COL23A1: variants seen among roughly 807,000 people sequenced by gnomAD.
COL23A1 encodes collagen type XXIII alpha 1 chain.
A neutral mutation model predicts 99.3 loss-of-function variants in COL23A1; 97 were observed. The ratio of observed to expected loss-of-function variants is 0.98; its 90% CI spans 0.83 to 1.16. The LOEUF (loss-of-function observed/expected upper bound fraction) is 1.16, where lower values mean the gene tolerates loss of function less well. Ranked by LOEUF, COL23A1 falls within the 50% of genes most tolerant of loss-of-function variation. The pLI, the probability that COL23A1 is intolerant of heterozygous loss-of-function variation, is 0.00. For synonymous variants in COL23A1, 320 were observed against 308.2 expected, an observed-to-expected ratio of 1.04 and a Z score of -0.40; for missense variants, 762 against 757.4, an observed-to-expected ratio of 1.01 and a Z score of -0.07.
rs989930079 is a variant in COL23A1 at position 178,590,098 on chromosome 5, G to C, written c.100C>G (p.Arg34Gly). 18 of 1,271,568 alleles carry C rather than the reference G, an allele frequency of 1.4e-5. No individual in the cohort carries two copies. In the African/African-American group the frequency reaches 2.8e-4, roughly 20 times the overall value. 78.8% of individuals were successfully genotyped at this position (1,271,568 alleles called of 1,614,324 possible). ...AGCAGGCACAGCGCGCTCACCGCCC[G>C]GGACCCGGCCGTCGTCGCCGAGCGC... The part of the protein sequence containing the change: ...GGRSATTAGS[R>G]AVSALCLLLS... Residue 34 changes from arginine (R) to glycine (G), a missense_variant, in exon 1 of 29, where the codon CGG (arginine) becomes GGG (glycine). By Grantham distance (125) the Arg-to-Gly change is moderately radical (BLOSUM62 -2). Transcript: ENST00000390654. The surrounding 1 kb of genome is among the most constrained non-coding windows in gnomAD (Gnocchi z 5.7).
chr5:178,405,504 G>C (rs1229192604), intron 2 of COL23A1, among the ~76,000 whole-genome samples: 1 of 152,164 alleles, frequency 6.6e-6, no homozygotes, highest in Non-Finnish European at 1.5e-5. Context: ...AGGGAGAATT[G>C]AAAGAGGTGA....
chr5:178,505,409 C>G (rs1191745963), intron 2 of COL23A1, among the ~76,000 whole-genome samples: 1 of 152,010 alleles, frequency 6.6e-6, no homozygotes, highest in African/African-American at 2.4e-5. Flanking sequence ...ACCATCATGC[C>G]CAGCTAATTT....
chr5:178,353,300 GGCCC>G (rs1761434560), intron 2 of COL23A1, among the ~76,000 whole-genome samples: 1 of 151,966 alleles, frequency 6.6e-6, no homozygotes, highest in Non-Finnish European at 1.5e-5. Flanking sequence ...ATTTGAGAAA[GGCCC>G]TTTATGTATG....
intron 2 of COL23A1, among the ~76,000 whole-genome samples, chr5:178,465,315 C>T (rs1225999541): frequency 6.6e-6 from 1 of 152,102 alleles, no homozygotes; most frequent in East Asian, 1.9e-4. Context: ...TGTCGTTAAC[C>T]CCTAGGGTGC....
chr5:178,245,005 ATCCC>A, intron 25 of COL23A1, among the ~76,000 whole-genome samples: 1 of 137,608 alleles, frequency 7.3e-6, no homozygotes, highest in African/African-American at 2.6e-5. Context: ...CCATCCATCC[ATCCC>A]TCCACTGCCA....
chr5:178,477,746 G>A (rs1757109937), intron 2 of COL23A1, among the ~76,000 whole-genome samples: 1 of 152,226 alleles, frequency 6.6e-6, no homozygotes, highest in African/African-American at 2.4e-5. Flanking sequence ...CTTCCCTGGA[G>A]AAGGTAGAAT....
intron 2 of COL23A1, among the ~76,000 whole-genome samples, chr5:178,433,947 G>A (rs1484031674): frequency 6.6e-6 from 1 of 152,178 alleles, no homozygotes; most frequent in African/African-American, 2.4e-5. Context: ...ACAGAAGGAC[G>A]GCCATGTGAG....
At chr5:178,535,980 A>G (rs546824081) in intron 2 of COL23A1, among the ~76,000 whole-genome samples, 1 of 152,358 alleles carries the variant, frequency 6.6e-6, no homozygotes, top group African/African-American at 2.4e-5. Flanking sequence ...GTCATGACCC[A>G]TCAGGGCAAG....
At chr5:178,276,791 C>A (rs556322361) in intron 5 of COL23A1, among the ~76,000 whole-genome samples, 1 of 152,176 alleles carries the variant, frequency 6.6e-6, no homozygotes, top group Non-Finnish European at 1.5e-5. Context: ...GTTGCTGGTG[C>A]CTTGAGGGTG....
chr5:178,496,474 C>T (rs752062769), intron 2 of COL23A1, among the ~76,000 whole-genome samples: 8 of 151,952 alleles, frequency 5.3e-5, no homozygotes, highest in African/African-American at 1.9e-4. Flanking sequence ...AAGTTGTAGC[C>T]GGACTAATTT....
intron 2 of COL23A1, among the ~76,000 whole-genome samples, chr5:178,400,787 G>T (rs1764406375): frequency 6.6e-6 from 1 of 152,034 alleles, no homozygotes; most frequent in South Asian, 2.1e-4. Flanking sequence ...ACAGGCACCT[G>T]CCACTACGCC....
intron 12 of COL23A1, among the ~76,000 whole-genome samples, chr5:178,258,886 A>T (rs1581469769): frequency 7.0e-6 from 1 of 141,994 alleles, no homozygotes; most frequent in Admixed American, 7.1e-5. Flanking sequence ...AGTAGAGATG[A>T]GGTCTTGGTG....
At chr5:178,552,853 A>C (rs966161519) in intron 2 of COL23A1, among the ~76,000 whole-genome samples, 2 of 151,908 alleles carry the variant, frequency 1.3e-5, no homozygotes, top group African/African-American at 4.8e-5. Context: ...AGCTGGGACT[A>C]CAGGCGCGTG....
chr5:178,567,169 G>C (rs1488464553), intron 1 of COL23A1, among the ~76,000 whole-genome samples: 1 of 152,158 alleles, frequency 6.6e-6, no homozygotes, highest in Non-Finnish European at 1.5e-5. Context: ...GCATATAGAG[G>C]AGTCAATATA....
intron 1 of COL23A1, among the ~76,000 whole-genome samples, chr5:178,576,792 T>C (rs929563949): frequency 1.3e-5 from 2 of 151,684 alleles, no homozygotes; most frequent in African/African-American, 4.8e-5. Flanking sequence ...CTCGGTCCTG[T>C]CCTCCGAGGC....
intron 2 of COL23A1, among the ~76,000 whole-genome samples, chr5:178,346,260 G>T (rs192034159): frequency 6.6e-6 from 1 of 152,054 alleles, no homozygotes. Flanking sequence ...TTAAGATGGA[G>T]TTTCGTTCTG....
chr5:178,403,530 G>A (rs898888208), intron 2 of COL23A1, among the ~76,000 whole-genome samples: 6 of 152,224 alleles, frequency 3.9e-5, no homozygotes, highest in African/African-American at 1.2e-4. Context: ...AGGCCCCGGT[G>A]CCTGGCCCAC....
chr5:178,502,200 C>A (rs1038830305), intron 2 of COL23A1, among the ~76,000 whole-genome samples: 1 of 152,134 alleles, frequency 6.6e-6, no homozygotes, highest in Non-Finnish European at 1.5e-5. Flanking sequence ...GGCGTGATCT[C>A]GGCCCACTGC....
At chr5:178,419,321 G>T (rs1765474655) in intron 2 of COL23A1, among the ~76,000 whole-genome samples, 2 of 152,204 alleles carry the variant, frequency 1.3e-5, no homozygotes, top group Non-Finnish European at 2.9e-5. Context: ...CGCATGGAGG[G>T]TCAGTGGCTG....
Sources: gnomAD v4.1 joint callset for allele counts (sites outside exome capture counted in the v4.1 genomes callset) on GRCh38, gnomAD v4.1.1 for gene constraint, Gnocchi (gnomAD v3.1) non-coding constraint, MANE v1.5 for transcripts, NCBI Gene and HGNC (gene_info 2026-07-23, HGNC 2026-07-21) for gene names.